The following CAMK4 variants were observed in gnomAD, a reference collection of about 807,000 sequenced individuals.
CAMK4 encodes calcium/calmodulin dependent protein kinase IV.
A neutral mutation model predicts 44.9 loss-of-function variants in CAMK4; 22 were observed. That is an observed-to-expected ratio of 0.49 (90% CI 0.35 to 0.70). The LOEUF (loss-of-function observed/expected upper bound fraction) is 0.70, where lower values mean the gene tolerates loss of function less well. Among genes scored for constraint, CAMK4 ranks in the 30% least tolerant of loss-of-function variants. The probability of loss-of-function intolerance (pLI) is 0.01; values close to 1 mark genes in which losing one functional copy is unlikely to be tolerated. For synonymous variants in CAMK4, 218 were observed against 215.4 expected, an observed-to-expected ratio of 1.01 and a Z score of -0.11; for missense variants, 498 against 586.8, an observed-to-expected ratio of 0.85 and a Z score of 1.56.
chr5:111,483,271 G>T (rs540341680), intron 10 of CAMK4, among the ~76,000 whole-genome samples: 2 of 152,074 alleles, frequency 1.3e-5, no homozygotes, highest in African/African-American at 4.8e-5. Context: ...TCAGAAAGTT[G>T]TTTTCTTTCA....
intron 6 of CAMK4, 129 bp from the exon 7 acceptor site, chr5:111,449,000 C>T (rs1442550551): frequency 2.8e-5 from 14 of 508,878 alleles, no homozygotes; most frequent in Non-Finnish European, 4.6e-5. Flanking sequence ...TCCCACCCAC[C>T]TTCACCCCAT....
rs1361661609 is a variant in CAMK4 at position 111,224,661 on chromosome 5, G to A, written c.161+17G>A. On this transcript the variant is annotated intron_variant, in intron 1 of 10. Coordinates refer to ENST00000282356, the MANE Select transcript of CAMK4 (RefSeq NM_001744.6). This position sits in a 1 kb window ranked among gnomAD's most constrained non-coding sequence, Gnocchi z 5.7. ...GCTGGGACGGTAAGGCGCGGGCTCC[G>A]GCTGGGGAAGCCCGCGGCGTGCACT... The A allele has an allele frequency of 6.3e-7, 1 of 1,594,646 alleles. No individual in the cohort carries two copies. The highest frequency in any genetic ancestry group is 1.7e-5 in the Admixed American group (1 of 58,508).
intron 5 of CAMK4, among the ~76,000 whole-genome samples, chr5:111,442,187 T>C: frequency 6.6e-6 from 1 of 152,158 alleles, no homozygotes; most frequent in East Asian, 1.9e-4. Flanking sequence ...GTCAAAATCA[T>C]TTTATCATAA....
chr5:111,357,786 C>G (rs1750427980), intron 2 of CAMK4, among the ~76,000 whole-genome samples: 1 of 152,028 alleles, frequency 6.6e-6, no homozygotes. Context: ...AAGAATGGAA[C>G]CCACACTGAA....
chr5:111,355,335 GGA>G (rs1182931704), intron 2 of CAMK4, among the ~76,000 whole-genome samples: 1 of 151,976 alleles, frequency 6.6e-6, no homozygotes, highest in East Asian at 1.9e-4. Context: ...AAGGTGACAG[GGA>G]GGAATGTTAA....
chr5:111,407,380 A>G (rs955639140), intron 5 of CAMK4, among the ~76,000 whole-genome samples: 2 of 151,726 alleles, frequency 1.3e-5, no homozygotes, highest in Non-Finnish European at 2.9e-5. Context: ...AAACACAAAA[A>G]CAACACCCCA....
rs1197904594 is a variant in CAMK4, at chr5:111,492,758, T to C, written c.*8292T>C. On this transcript the variant is annotated 3_prime_UTR_variant, in exon 11 of 11. Coordinates refer to ENST00000282356, the MANE Select transcript of CAMK4 (RefSeq NM_001744.6). ...TGCCATGGAGGAGTCAAAGATGAAT[T>C]AAATCCAATGCTATCCTCCAGGAGT... is the stretch of plus-strand genomic sequence containing the variant. The C allele has an allele frequency of 6.6e-6, 1 of 152,224 alleles. No individual in the cohort carries two copies. Among genetic ancestry groups the C allele is most frequent in the Admixed American group, 6.6e-5 (1 of 15,266 alleles). 9.4% of individuals were successfully genotyped at this position (152,224 alleles called of 1,614,324 possible).
rs930670247 is a variant in CAMK4, at chr5:111,449,206, A to G, written c.625+3A>G. 2.3e-6 allele frequency: 3 copies of G among 1,332,372 alleles called. No homozygotes were observed. The highest frequency in any genetic ancestry group is 1.5e-5 in the African/African-American group (1 of 68,216). 82.5% of individuals were successfully genotyped at this position (1,332,372 alleles called of 1,614,324 possible). Reference sequence around the variant, plus strand: ...ATGTGGAACCCCAGGGTACTGCGGTATGCTCTTTAATAATTATATTTTACT... The same window carrying G: ...ATGTGGAACCCCAGGGTACTGCGGTGTGCTCTTTAATAATTATATTTTACT... On this transcript the variant is annotated splice_donor_region_variant and intron_variant, in intron 7 of 10. Transcript: ENST00000282356.
intron 1 of CAMK4, among the ~76,000 whole-genome samples, chr5:111,267,419 A>G (rs1750296331): frequency 6.6e-6 from 1 of 152,182 alleles, no homozygotes; most frequent in Non-Finnish European, 1.5e-5. Flanking sequence ...CTTCTACATT[A>G]AGAATTTTCA....
intron 9 of CAMK4, 39 bp downstream of exon 9, chr5:111,478,546 A>C (rs1580807580): frequency 8.1e-7 from 1 of 1,240,574 alleles, no homozygotes; most frequent in Non-Finnish European, 1.1e-6. Context: ...AAATGAAATA[A>C]ATTTATTTTT....
chr5:111,256,809 A>G (rs1247918316), intron 1 of CAMK4, among the ~76,000 whole-genome samples: 1 of 152,196 alleles, frequency 6.6e-6, no homozygotes, highest in African/African-American at 2.4e-5. Flanking sequence ...GCACACTTGT[A>G]AAGTGATATT....
intron 1 of CAMK4, among the ~76,000 whole-genome samples, chr5:111,248,521 A>T (rs1207681288): frequency 6.6e-6 from 1 of 151,194 alleles, no homozygotes; most frequent in Non-Finnish European, 1.5e-5. Flanking sequence ...CAAGTCATGA[A>T]AAAAAAAAAC....
chr5:111,418,615 C>T (rs1752902880), intron 5 of CAMK4, among the ~76,000 whole-genome samples: 1 of 149,858 alleles, frequency 6.7e-6, no homozygotes, highest in Non-Finnish European at 1.5e-5. Flanking sequence ...ACAACAGTCC[C>T]CAGAGTGTGA....
intron 4 of CAMK4, among the ~76,000 whole-genome samples, chr5:111,392,008 GCTAATTATA>G (rs1399269820): frequency 6.6e-6 from 1 of 151,390 alleles, no homozygotes; most frequent in African/African-American, 2.4e-5. Context: ...TTTACTTGTT[GCTAATTATA>G]CAGCAATCAA....
intron 5 of CAMK4, among the ~76,000 whole-genome samples, chr5:111,432,638 A>G (rs1027473580): frequency 5.3e-5 from 7 of 133,208 alleles, no homozygotes; most frequent in African/African-American, 2.3e-4. Flanking sequence ...ATATATATAC[A>G]TATATATATG....
intron 1 of CAMK4, among the ~76,000 whole-genome samples, chr5:111,331,237 C>T (rs933910896): frequency 2.7e-5 from 4 of 149,338 alleles, no homozygotes; most frequent in African/African-American, 9.8e-5. Flanking sequence ...TTTAAAAAAA[C>T]ATAAAAATAA....
At chr5:111,404,465 A>G (rs1182177265) in intron 5 of CAMK4, among the ~76,000 whole-genome samples, 1 of 152,210 alleles carries the variant, frequency 6.6e-6, no homozygotes, top group African/African-American at 2.4e-5. Context: ...TTGTTTGAAC[A>G]TTGCTTATCT....
rs1747194863 is a variant in CAMK4, at chr5:111,290,508, TA to T, written c.162-53513del. On this transcript the variant is annotated intron_variant, in intron 1 of 10. Transcript: ENST00000282356. This position sits in a 1 kb window ranked among gnomAD's most constrained non-coding sequence, Gnocchi z 4.5. ...TGTGTGAGCCCAAAGTATAACTACT[TA>T]AATCCATGGGACTATCCCCTGAGAA... Among the ~76,000 whole-genome samples the T allele has an allele frequency of 6.6e-6, 1 of 152,160 alleles. No homozygotes were observed. Among genetic ancestry groups the T allele is most frequent in the South Asian group, 2.1e-4 (1 of 4,832 alleles).
rs1053990667 is a variant in CAMK4, at chr5:111,489,127, G to A, written c.*4661G>A. Reference sequence around the variant, plus strand: ...TTGTGTACATGTTATTTCACTATTGGTATTACAATATTCATAACCACATGA... The same window carrying A: ...TTGTGTACATGTTATTTCACTATTGATATTACAATATTCATAACCACATGA... On this transcript the variant is annotated 3_prime_UTR_variant, in exon 11 of 11. Coordinates refer to ENST00000282356, the MANE Select transcript of CAMK4 (RefSeq NM_001744.6). 1 of 152,008 alleles carries A rather than the reference G, an allele frequency of 6.6e-6. No homozygotes were observed. The highest frequency in any genetic ancestry group is 1.5e-5 in the Non-Finnish European group (1 of 68,002). The allele number at this position is 152,008 out of a possible 1,614,324, so 9.4% of individuals were successfully genotyped here.
Sources: allele counts gnomAD v4.1 joint callset (sites outside exome capture counted in the v4.1 genomes callset), GRCh38; gene constraint gnomAD v4.1.1; non-coding constraint Gnocchi (gnomAD v3.1); transcripts MANE v1.5; gene names NCBI Gene and HGNC (gene_info 2026-07-23, HGNC 2026-07-21).